MIB2: variants seen among roughly 807,000 people sequenced by gnomAD.
MIB2 encodes the protein MIB E3 ubiquitin protein ligase 2.
A neutral mutation model predicts 96.6 loss-of-function variants in MIB2; 78 were observed. The observed-to-expected ratio is 0.81, with a 90% CI of 0.67 to 0.97. MIB2 has a LOEUF of 0.97. Among genes scored for constraint, MIB2 ranks in the 50% least tolerant of loss-of-function variants. The probability of loss-of-function intolerance (pLI) is 0.00; values close to 1 mark genes in which losing one functional copy is unlikely to be tolerated. For synonymous variants in MIB2, 820 were observed against 629.5 expected, an observed-to-expected ratio of 1.30 and a Z score of -4.53; for missense variants, 1,543 against 1,424.0, an observed-to-expected ratio of 1.08 and a Z score of -1.35.
At position 1,626,533 on chromosome 1, in the gene MIB2, C is replaced by A; in HGVS notation, c.973-117C>A. 1.2e-6 allele frequency: 1 copy of A among 839,652 alleles called. No individual in the cohort carries two copies. The highest frequency in any genetic ancestry group is 1.8e-6 in the Non-Finnish European group (1 of 559,732). 52.0% of individuals were successfully genotyped at this position (839,652 alleles called of 1,614,324 possible). On this transcript the variant is annotated intron_variant, in intron 8 of 19. Coordinates refer to ENST00000355826, the MANE Select transcript of MIB2 (RefSeq NM_001170687.4). The surrounding 1 kb of genome is among the most constrained non-coding windows in gnomAD (Gnocchi z 5.3). ...GCAGTGCCTGGGGTCGGGGTCGGGG[C>A]CGGGGCCGAGTCAGGCCTGCCTGTC...
At chr1:1,616,848 G>T in intron 2 of MIB2, 1 of 458,654 alleles carries the variant, frequency 2.2e-6, no homozygotes, top group South Asian at 2.6e-5. Context: ...AGCGGCCGCA[G>T]CGCAGGAGCG....
chr1:1,620,806 G>A (rs150899569), intron 2 of MIB2, among the ~76,000 whole-genome samples: 1,894 of 152,386 alleles, frequency 0.012, 27 homozygotes, highest in Middle Eastern at 0.037. Flanking sequence ...GCTGGTGGCA[G>A]AGCAGGCAGT....
chr1:1,628,271 A>G lies in MIB2; in HGVS notation c.1842-2A>G, dbSNP rs1443070663. Reference sequence around the variant, plus strand: ...TCCCAGACCAACCTCCCTGCTCCACAGAGCTGTGAGAAAGATTCTGGCTCG... The same window carrying G: ...TCCCAGACCAACCTCCCTGCTCCACGGAGCTGTGAGAAAGATTCTGGCTCG... On this transcript the variant is annotated splice_acceptor_variant, in intron 14 of 19. Coordinates refer to ENST00000355826, the MANE Select transcript of MIB2 (RefSeq NM_001170687.4). LOFTEE classifies it high-confidence loss of function. 6 of 1,612,864 alleles carry G rather than the reference A, an allele frequency of 3.7e-6. No homozygotes were observed.
Position 1,625,447 on chromosome 1 carries a change from GAGCCCTGTGTGCCCTGCCCTCCC to G in MIB2, c.864+26_864+48del, listed in dbSNP as rs1644656932. Reference sequence around the variant, plus strand: ...GGCGGAGGTGAGCCGCCCCGCCGTGGAGCCCTGTGTGCCCTGCCCTCCCAGCCCTCCGCCCCCTCAGCCCCTTC... The same window carrying G: ...GGCGGAGGTGAGCCGCCCCGCCGTGGAGCCCTCCGCCCCCTCAGCCCCTTC... On this transcript the variant is annotated intron_variant, in intron 7 of 19. Transcript: ENST00000355826. The surrounding 1 kb of genome is among the most constrained non-coding windows in gnomAD (Gnocchi z 5.0). 6.4e-7 allele frequency: 1 copy of G among 1,564,084 alleles called. No homozygotes were observed. The highest frequency in any genetic ancestry group is 1.4e-5 in the African/African-American group (1 of 73,640).
chr1:1,626,289 AC>A lies in MIB2; in HGVS notation c.973-357del. On this transcript the variant is annotated intron_variant, in intron 8 of 19. Coordinates refer to ENST00000355826, the MANE Select transcript of MIB2 (RefSeq NM_001170687.4). This position sits in a 1 kb window ranked among gnomAD's most constrained non-coding sequence, Gnocchi z 5.3. Reference sequence around the variant, plus strand: ...GTGGGGCAGAGTGGGCCCGTCCTGCACCCCATGGTCCTGGGGCCCCACCCCC... The same window carrying A: ...GTGGGGCAGAGTGGGCCCGTCCTGCACCCATGGTCCTGGGGCCCCACCCCC... 3.0e-6 allele frequency: 1 copy of A among 333,136 alleles called. No individual in the cohort carries two copies. Among genetic ancestry groups the A allele is most frequent in the Non-Finnish European group, 5.5e-6 (1 of 180,932 alleles). 20.6% of individuals were successfully genotyped at this position (333,136 alleles called of 1,614,324 possible). A position where few individuals can be genotyped will look rare whatever the true frequency, so the allele number is the denominator to read the frequency against.
chr1:1,622,365 C>T (rs570408647), intron 2 of MIB2, among the ~76,000 whole-genome samples: 5 of 152,302 alleles, frequency 3.3e-5, no homozygotes, highest in Admixed American at 2.0e-4. Context: ...TTCTTGTTAA[C>T]GAGACTGTGC....
In MIB2 at chr1:1,629,238, G is replaced by T; in HGVS notation, c.2308G>T (p.Gly770Cys). Reference sequence around the variant, plus strand: ...CGACGTGAGCTACACCAACCACCGCGGTCGGAGCCCGCTGGACCTGGCCGC... The same window carrying T: ...CGACGTGAGCTACACCAACCACCGCTGTCGGAGCCCGCTGGACCTGGCCGC... Reference protein sequence around the residue: ...GADVSYTNHRGRSPLDLAAEG... With the variant: ...GADVSYTNHRCRSPLDLAAEG... The change falls in exon 17 of 20, where the codon GGT becomes TGT. Residue 770 changes from glycine (G) to cysteine (C), a missense_variant. By Grantham distance (159) the Gly-to-Cys change is radical. Coordinates refer to ENST00000355826, the MANE Select transcript of MIB2 (RefSeq NM_001170687.4). The T allele has an allele frequency of 6.5e-7, 1 of 1,545,144 alleles. No homozygotes were observed. Among genetic ancestry groups the T allele is most frequent in the South Asian group, 1.2e-5 (1 of 84,262 alleles).
intron 4 of MIB2, 66 bp downstream of exon 4, chr1:1,624,011 C>T: frequency 1.3e-6 from 2 of 1,521,938 alleles, no homozygotes; most frequent in South Asian, 2.5e-5. Flanking sequence ...GGGCCTTGGC[C>T]TTCGGGGAGG....
intron 2 of MIB2, chr1:1,617,948 T>G (rs1419696197): frequency 6.6e-6 from 1 of 152,274 alleles, no homozygotes; most frequent in South Asian, 2.1e-4. Flanking sequence ...AGATACCCAT[T>G]GTGGGGCAGC....
intron 2 of MIB2, among the ~76,000 whole-genome samples, chr1:1,619,864 GGT>G (rs1313752621): frequency 1.3e-5 from 2 of 152,228 alleles, no homozygotes; most frequent in Non-Finnish European, 2.9e-5. Context: ...CCTCTGGGAG[GGT>G]GGGGGTTTGT....
chr1:1,628,409 C>A lies in MIB2; in HGVS notation c.1968+10C>A, dbSNP rs74892851. The A allele has an allele frequency of 0.33, 530,761 of 1,608,868 alleles. 95,426 individuals carry two copies. Among genetic ancestry groups the A allele is most frequent in the Non-Finnish European group, 0.37 (441,409 of 1,178,522 alleles). On this transcript the variant is annotated intron_variant, in intron 15 of 19. Coordinates refer to ENST00000355826, the MANE Select transcript of MIB2 (RefSeq NM_001170687.4). ...GATCCTCATCCGGGAGGTGCGGACGCGGCCCAGTCCTGCCCAAGGACCGGG... is the reference window on the plus strand; with the variant it reads ...GATCCTCATCCGGGAGGTGCGGACGAGGCCCAGTCCTGCCCAAGGACCGGG...
intron 1 of MIB2, chr1:1,616,049 C>G: frequency 2.0e-6 from 2 of 984,288 alleles, no homozygotes; most frequent in Non-Finnish European, 2.4e-6. Flanking sequence ...GGTCCCGCGC[C>G]CCCGAGCGGA....
chr1:1,615,269 G>T (rs1012848972), upstream of MIB2: 22 of 1,209,856 alleles, frequency 1.8e-5, no homozygotes, highest in African/African-American at 3.4e-4. Context: ...CAGTGCCAGC[G>T]AGCGCGACGT....
At chr1:1,619,369 C>T (rs896812252) in intron 2 of MIB2, among the ~76,000 whole-genome samples, 14 of 152,276 alleles carry the variant, frequency 9.2e-5, no homozygotes, top group African/African-American at 3.1e-4. Flanking sequence ...AGCGAGATTA[C>T]GTCTCAAAAA....
rs1184205458 is a variant in MIB2, at chr1:1,624,898, G to C, written c.523G>C (p.Asp175His). The part of the protein sequence containing the change: ...RGPDWEWGSQ[D>H]GGEGKPGRVV... Reference sequence around the variant, plus strand: ...CCCCGACTGGGAGTGGGGCTCACAGGATGGTGAGTGGAGGCAGAGGGGCGG... The same window carrying C: ...CCCCGACTGGGAGTGGGGCTCACAGCATGGTGAGTGGAGGCAGAGGGGCGG... Residue 175 changes from aspartate (D) to histidine (H), a missense_variant, in exon 5 of 20, where the codon GAT (aspartate) becomes CAT (histidine). Coordinates refer to ENST00000355826, the MANE Select transcript of MIB2 (RefSeq NM_001170687.4). 1.2e-6 allele frequency: 2 copies of C among 1,612,568 alleles called. No homozygotes were observed. Among genetic ancestry groups the C allele is most frequent in the East Asian group, 2.2e-5 (1 of 44,878 alleles).
chr1:1,625,500 C>T lies in MIB2; in HGVS notation c.865-46C>T, dbSNP rs1236032360. 6.5e-7 allele frequency: 1 copy of T among 1,550,088 alleles called. No individual in the cohort carries two copies. The highest frequency in any genetic ancestry group is 1.2e-5 in the South Asian group (1 of 84,472). ...CTCCGCCCCCTCAGCCCCTTCCTCC[C>T]CAAGCGTCCAGCCCGACCCAGCCAC... On this transcript the variant is annotated intron_variant, in intron 7 of 19. Transcript: ENST00000355826. The surrounding 1 kb of genome is among the most constrained non-coding windows in gnomAD (Gnocchi z 5.0).
chr1:1,623,171 C>G, intron 2 of MIB2: 1 of 546,146 alleles, frequency 1.8e-6, no homozygotes, highest in Non-Finnish European at 3.1e-6. Context: ...CGGGGCCAGG[C>G]TCCCTGATCC....
intron 2 of MIB2, among the ~76,000 whole-genome samples, chr1:1,620,059 T>C (rs972342138): frequency 1.3e-5 from 2 of 152,202 alleles, no homozygotes; most frequent in African/African-American, 2.4e-5. Context: ...GCTGGTGACC[T>C]CCCCGACATC....
At position 1,628,538 on chromosome 1, in the gene MIB2, A is replaced by G; in HGVS notation, c.2018A>G (p.His673Arg). 1 of 1,601,608 alleles carries G rather than the reference A, an allele frequency of 6.2e-7. No individual in the cohort carries two copies. Among genetic ancestry groups the G allele is most frequent in the Non-Finnish European group, 8.5e-7 (1 of 1,178,794 alleles). Residue 673 changes from histidine (H) to arginine (R), a missense_variant, in exon 16 of 20, where the codon CAT (histidine) becomes CGT (arginine). Coordinates refer to ENST00000355826, the MANE Select transcript of MIB2 (RefSeq NM_001170687.4). Reference protein sequence around the residue: ...VRNRKLQSPLHLAVQQAHVGL... With the variant: ...VRNRKLQSPLRLAVQQAHVGL... ...AACCGGAAGCTGCAGTCCCCGCTGC[A>G]TCTCGCCGTGCAACAGGCCCACGTG...
Sources: allele counts gnomAD v4.1 joint callset (sites outside exome capture counted in the v4.1 genomes callset), GRCh38; gene constraint gnomAD v4.1.1; non-coding constraint Gnocchi (gnomAD v3.1); transcripts MANE v1.5; gene names NCBI Gene and HGNC (gene_info 2026-07-23, HGNC 2026-07-21).